Variants in NPAS3 observed in about 807,000 individuals in gnomAD.
NPAS3 encodes neuronal PAS domain protein 3, also known as neuronal PAS domain-containing protein 3.
A neutral mutation model predicts 73.1 loss-of-function variants in NPAS3; 14 were observed. The ratio of observed to expected loss-of-function variants is 0.19; its 90% CI spans 0.13 to 0.30. The LOEUF (loss-of-function observed/expected upper bound fraction) is 0.30, where lower values mean the gene tolerates loss of function less well. NPAS3 is among the 10% of genes least tolerant of loss of function. The pLI is 1.00. For missense variants in NPAS3, 1,096 were observed against 1,250.0 expected, an observed-to-expected ratio of 0.88 and a Z score of 1.86; for synonymous variants, 620 against 541.5, an observed-to-expected ratio of 1.14 and a Z score of -2.01.
At chr14:33,704,000 G>T (rs1435624583) in intron 6 of NPAS3, among the ~76,000 whole-genome samples, 1 of 152,158 alleles carries the variant, frequency 6.6e-6, no homozygotes, top group African/African-American at 2.4e-5. Context: ...CCTTGGACAA[G>T]TTATTTTACT....
intron 2 of NPAS3, among the ~76,000 whole-genome samples, chr14:33,212,848 A>G (rs1180770458): frequency 6.6e-6 from 1 of 152,234 alleles, no homozygotes; most frequent in Admixed American, 6.5e-5. Flanking sequence ...TGAATAAAGG[A>G]AAATTACCTA....
At chr14:32,998,303 T>G (rs1206490626) in intron 1 of NPAS3, among the ~76,000 whole-genome samples, 1 of 152,230 alleles carries the variant, frequency 6.6e-6, no homozygotes, top group Non-Finnish European at 1.5e-5. Flanking sequence ...TGATTTCATT[T>G]ATATGAAATA....
At position 33,544,820 on chromosome 14, in the gene NPAS3, A is replaced by ATATATATG. The variant is rs11377851; in HGVS notation, c.469-15301_469-15300insTATATATG. On this transcript the variant is annotated intron_variant, in intron 4 of 11. Coordinates refer to ENST00000356141, the Ensembl canonical transcript of NPAS3. ...TATATATATATATATATGTATATAT[A>ATATATATG]ATATATATGTGTATATATATATTAT... 2.3e-4 allele frequency among the ~76,000 whole-genome samples: 23 copies of ATATATATG among 98,538 alleles called. 2 individuals carry two copies. Among genetic ancestry groups the ATATATATG allele is most frequent in the African/African-American group, 1.2e-3 (22 of 18,492 alleles). The allele number at this position is 98,538 out of a possible 152,430, so 64.6% of individuals were successfully genotyped here. A position where few individuals can be genotyped will look rare whatever the true frequency, so the allele number is the denominator to read the frequency against.
At chr14:33,228,213 A>T (rs566893412) in intron 3 of NPAS3, among the ~76,000 whole-genome samples, 11 of 152,308 alleles carry the variant, frequency 7.2e-5, no homozygotes, top group African/African-American at 2.4e-4. Context: ...CTCAACATGC[A>T]CAGTTTTTTG....
chr14:33,633,080 C>T (rs1470007363), intron 5 of NPAS3, among the ~76,000 whole-genome samples: 1 of 152,168 alleles, frequency 6.6e-6, no homozygotes, highest in Non-Finnish European at 1.5e-5. Flanking sequence ...CAACTATTTA[C>T]ATCGCATTTA....
chr14:33,307,613 T>TGTGTGTGTGTA (rs763634896), intron 3 of NPAS3, among the ~76,000 whole-genome samples: 3 of 44,136 alleles, frequency 6.8e-5, no homozygotes, highest in African/African-American at 1.5e-4. Flanking sequence ...GTGTGTGTGT[T>TGTGTGTGTGTA]CGTGTGCGTG....
At chr14:32,942,976 G>T (rs771451737) in intron 1 of NPAS3, among the ~76,000 whole-genome samples, 1 of 152,160 alleles carries the variant, frequency 6.6e-6, no homozygotes, top group Non-Finnish European at 1.5e-5. Flanking sequence ...ATATTAGATC[G>T]TATAGCTCCA....
chr14:33,264,009 C>G (rs1232866237), intron 3 of NPAS3, among the ~76,000 whole-genome samples: 1 of 152,260 alleles, frequency 6.6e-6, no homozygotes, highest in Admixed American at 6.5e-5. Flanking sequence ...ATAGCAAAGA[C>G]TTGGAACCAG....
At chr14:33,383,566 G>A (rs898343151) in intron 4 of NPAS3, among the ~76,000 whole-genome samples, 9 of 152,066 alleles carry the variant, frequency 5.9e-5, no homozygotes, top group African/African-American at 1.9e-4. Flanking sequence ...AATGTCATTT[G>A]CCCCTTAATT....
intron 3 of NPAS3, among the ~76,000 whole-genome samples, chr14:33,246,471 C>A (rs574792994): frequency 2.9e-5 from 4 of 138,668 alleles, no homozygotes; most frequent in Non-Finnish European, 6.2e-5. Flanking sequence ...CCCCGGGGGA[C>A]GGAGCCTGCA....
chr14:33,122,347 C>T (rs1461541116), intron 2 of NPAS3, among the ~76,000 whole-genome samples: 1 of 152,052 alleles, frequency 6.6e-6, no homozygotes, highest in African/African-American at 2.4e-5. Context: ...TCACCTTTCT[C>T]CAGAAGAGGG....
intron 3 of NPAS3, among the ~76,000 whole-genome samples, chr14:33,216,644 T>C (rs2047234023): frequency 6.6e-6 from 1 of 152,170 alleles, no homozygotes; most frequent in Admixed American, 6.5e-5. Context: ...TCAACTCTCC[T>C]GTTGTAGCAT....
intron 2 of NPAS3, among the ~76,000 whole-genome samples, chr14:33,181,112 T>A (rs2045783227): frequency 6.6e-6 from 1 of 152,126 alleles, no homozygotes; most frequent in Admixed American, 6.5e-5. Flanking sequence ...GAGATACCAT[T>A]GGAGGAGGTG....
At chr14:33,416,511 A>G (rs967027763) in intron 4 of NPAS3, among the ~76,000 whole-genome samples, 1 of 152,050 alleles carries the variant, frequency 6.6e-6, no homozygotes, top group African/African-American at 2.4e-5. Context: ...AATAAAATAC[A>G]GTCTTTGAAT....
chr14:32,991,518 G>A (rs560007668), intron 1 of NPAS3, among the ~76,000 whole-genome samples: 19 of 152,212 alleles, frequency 1.2e-4, no homozygotes, highest in African/African-American at 3.9e-4. Context: ...AATGGCAGTG[G>A]AGATAAAATG....
intron 1 of NPAS3, among the ~76,000 whole-genome samples, chr14:33,016,440 T>C (rs2039395967): frequency 6.6e-6 from 1 of 151,894 alleles, no homozygotes; most frequent in African/African-American, 2.4e-5. Context: ...GAAAAGGTGA[T>C]TGAGTGATGG....
At chr14:33,079,609 C>CTT (rs34920021) in intron 2 of NPAS3, among the ~76,000 whole-genome samples, 10,015 of 56,042 alleles carry the variant, frequency 0.18, 1,907 homozygotes, top group Non-Finnish European at 0.23. Context: ...TGAGCCAGGC[C>CTT]TTTTTTTTTT....
intron 4 of NPAS3, among the ~76,000 whole-genome samples, chr14:33,504,236 C>T (rs1344702761): frequency 1.3e-5 from 2 of 151,946 alleles, no homozygotes; most frequent in Non-Finnish European, 2.9e-5. Context: ...AGCAGGCTAC[C>T]ATCTTGAATT....
chr14:33,045,018 T>C (rs917868338), intron 1 of NPAS3, among the ~76,000 whole-genome samples: 4 of 152,080 alleles, frequency 2.6e-5, no homozygotes, highest in Non-Finnish European at 4.4e-5. Context: ...AGCTGAACCA[T>C]AGTTACTTTG....
Sources: allele counts gnomAD v4.1 joint callset (sites outside exome capture counted in the v4.1 genomes callset), GRCh38; gene constraint gnomAD v4.1.1; transcripts MANE v1.5; gene names NCBI Gene and HGNC (gene_info 2026-07-23, HGNC 2026-07-21).